AKT3: variants seen among roughly 807,000 people sequenced by gnomAD.
AKT3 encodes the protein RAC-gamma serine/threonine-protein kinase.
AKT3 carries 15 observed loss-of-function variants against 65.3 expected under a neutral mutation model. That is an observed-to-expected ratio of 0.23 (90% CI 0.15 to 0.35). The LOEUF is 0.35. Ranked by LOEUF, AKT3 falls within the 10% of genes least tolerant of loss-of-function variation. The pLI is 1.00. For synonymous variants in AKT3, 206 were observed against 183.8 expected, an observed-to-expected ratio of 1.12 and a Z score of -0.98; for missense variants, 243 against 576.5, an observed-to-expected ratio of 0.42 and a Z score of 5.92.
At chr1:243,746,957 A>G (rs1423669016) in intron 2 of AKT3, among the ~76,000 whole-genome samples, 1 of 152,200 alleles carries the variant, frequency 6.6e-6, no homozygotes. Context: ...GAGTTTAACA[A>G]CAATCATCAA....
At chr1:243,813,820 A>G (rs565633836) in intron 2 of AKT3, among the ~76,000 whole-genome samples, 1 of 152,334 alleles carries the variant, frequency 6.6e-6, no homozygotes, top group East Asian at 1.9e-4. Flanking sequence ...TAAAGAGTAT[A>G]TGGACTGGGC....
rs1325763963 is a variant in AKT3 at position 243,501,087 on chromosome 1, C to A, written c.*4162G>T. 2 of 230,678 alleles carry A rather than the reference C, an allele frequency of 8.7e-6. No homozygotes were observed. Among genetic ancestry groups the A allele is most frequent in the Admixed American group, 5.7e-5 (1 of 17,690 alleles). 14.3% of individuals were successfully genotyped at this position (230,678 alleles called of 1,614,324 possible). A position where few individuals can be genotyped will look rare whatever the true frequency, so the allele number is the denominator to read the frequency against. On this transcript the variant is annotated 3_prime_UTR_variant, in exon 14 of 14. Coordinates refer to ENST00000673466, the MANE Select transcript of AKT3 (RefSeq NM_005465.7). ...CATGTGAGAATGCCCTCAAATTTGG[C>A]CGTGTGACATACACATACATGCTTG...
chr1:243,663,755 G>A (rs1418307057), intron 4 of AKT3, among the ~76,000 whole-genome samples: 3 of 152,154 alleles, frequency 2.0e-5, no homozygotes, highest in Non-Finnish European at 4.4e-5. Context: ...AGGCTAATAA[G>A]ATTTAACTTC....
At chr1:243,812,144 A>C (rs1292479822) in intron 2 of AKT3, among the ~76,000 whole-genome samples, 1 of 152,206 alleles carries the variant, frequency 6.6e-6, no homozygotes, top group Non-Finnish European at 1.5e-5. Context: ...ACCAAAAGCA[A>C]TGGCAACAAA....
At chr1:243,792,916 C>A (rs1691719885) in intron 2 of AKT3, among the ~76,000 whole-genome samples, 1 of 152,158 alleles carries the variant, frequency 6.6e-6, no homozygotes, top group Non-Finnish European at 1.5e-5. Flanking sequence ...GCCTCAACAC[C>A]CCGTATAAAC....
At position 243,652,771 on chromosome 1, in the gene AKT3, CAAAAAAA is replaced by C. The variant is rs371580711; in HGVS notation, c.285-6741_285-6735del. Among the ~76,000 whole-genome samples, 270 of 31,296 alleles carry C rather than the reference CAAAAAAA, an allele frequency of 8.6e-3. 4 individuals carry two copies. The highest frequency in any genetic ancestry group is 0.033 in the African/African-American group (257 of 7,772). The allele number at this position is 31,296 out of a possible 152,430, so 20.5% of individuals were successfully genotyped here. A position where few individuals can be genotyped will look rare whatever the true frequency, so the allele number is the denominator to read the frequency against. On this transcript the variant is annotated intron_variant, in intron 4 of 13. Coordinates refer to ENST00000673466, the MANE Select transcript of AKT3 (RefSeq NM_005465.7). ...GAATATTTACCAAGCAAATAGAAAG[CAAAAAAA>C]AAAAAAAAAAAAAAAGCAGGAGTTG...
intron 3 of AKT3, among the ~76,000 whole-genome samples, chr1:243,693,484 T>G (rs765189355): frequency 6.6e-6 from 1 of 151,562 alleles, no homozygotes; most frequent in Non-Finnish European, 1.5e-5. Context: ...CTGTTTTAAT[T>G]TGCTTAACTC....
At chr1:243,705,715 T>C (rs1448366908) in intron 2 of AKT3, among the ~76,000 whole-genome samples, 1 of 152,150 alleles carries the variant, frequency 6.6e-6, no homozygotes, top group African/African-American at 2.4e-5. Flanking sequence ...GAATAAACGG[T>C]GACTTTAGTT....
In AKT3 at chr1:243,649,622, T is replaced by A. The variant is rs540546856; in HGVS notation, c.285-3585A>T. 1.9e-4 allele frequency among the ~76,000 whole-genome samples: 29 copies of A among 152,216 alleles called. 1 individual carries two copies. Among genetic ancestry groups the A allele is most frequent in the African/African-American group, 6.7e-4 (28 of 41,512 alleles). On this transcript the variant is annotated intron_variant, in intron 4 of 13. Coordinates refer to ENST00000673466, the MANE Select transcript of AKT3 (RefSeq NM_005465.7). ...TGTTCCCCTCCCTGTGTCCATGTGT[T>A]CTCATTGTTCAACTCCCACTTATGA...
chr1:243,629,821 A>C lies in AKT3; in HGVS notation c.561+7790T>G, dbSNP rs115027585. On this transcript the variant is annotated intron_variant, in intron 6 of 13. Coordinates refer to ENST00000673466, the MANE Select transcript of AKT3 (RefSeq NM_005465.7). ...AATAAAAATAAAAAAGATATGGGAG[A>C]TATGCAGCAATGCAGACAGAGATGG... Among the ~76,000 whole-genome samples the C allele has an allele frequency of 4.7e-3, 709 of 152,186 alleles. 6 individuals are homozygous for C. Among genetic ancestry groups the C allele is most frequent in the African/African-American group, 0.016 (685 of 41,522 alleles).
chr1:243,609,746 A>T (rs1253137534), intron 8 of AKT3, among the ~76,000 whole-genome samples: 1 of 152,224 alleles, frequency 6.6e-6, no homozygotes, highest in Non-Finnish European at 1.5e-5. Context: ...AGATATGCTG[A>T]ACAAGAAAAA....
At position 243,549,174 on chromosome 1, in the gene AKT3, A is replaced by C. The variant is rs565981348; in HGVS notation, c.1163+3555T>G. 1.1e-4 allele frequency among the ~76,000 whole-genome samples: 16 copies of C among 152,222 alleles called. No individual in the cohort carries two copies. In the East Asian group the frequency reaches 2.9e-3, roughly 28 times the overall value. On this transcript the variant is annotated intron_variant, in intron 11 of 13. Coordinates refer to ENST00000673466, the MANE Select transcript of AKT3 (RefSeq NM_005465.7). ...TTTAAGCATTCATTCTATTATTTCC[A>C]GCTGCTCACTTGACATTTCCATCTT...
rs1678077326 is a variant in AKT3, at chr1:243,613,817, CAT to C, written c.628-80_628-79del. On this transcript the variant is annotated intron_variant, in intron 7 of 13. Transcript: ENST00000673466. ...TTATAATAGTACTAAAAATAGAACA[CAT>C]AGAAATAGTAAGCATGAAAGATGAA... 10 of 840,180 alleles carry C rather than the reference CAT, an allele frequency of 1.2e-5. No individual in the cohort carries two copies. In the Admixed American group the frequency reaches 2.8e-4, roughly 23 times the overall value. The allele number at this position is 840,180 out of a possible 1,614,324, so 52.0% of individuals were successfully genotyped here.
chr1:243,821,574 A>C (rs1693857642), intron 2 of AKT3, among the ~76,000 whole-genome samples: 1 of 152,204 alleles, frequency 6.6e-6, no homozygotes, highest in African/African-American at 2.4e-5. Context: ...GCTCAAAACA[A>C]AGGAGTGGAG....
At position 243,787,202 on chromosome 1, in the gene AKT3, C is replaced by T. The variant is rs570326154; in HGVS notation, c.46+55923G>A. On this transcript the variant is annotated intron_variant, in intron 2 of 13. Transcript: ENST00000673466. Reference sequence around the variant, plus strand: ...TACATTTTTCAAATCCAATTACACACGTGAAACTTTAACCTAGTAAGACAA... The same window carrying T: ...TACATTTTTCAAATCCAATTACACATGTGAAACTTTAACCTAGTAAGACAA... Among the ~76,000 whole-genome samples, 18 of 152,248 alleles carry T rather than the reference C, an allele frequency of 1.2e-4. 1 individual carries two copies. The South Asian group carries it at 2.5e-3, about 21-fold the overall frequency.
At chr1:243,734,707 C>A (rs1687747515) in intron 2 of AKT3, among the ~76,000 whole-genome samples, 1 of 152,126 alleles carries the variant, frequency 6.6e-6, no homozygotes, top group Non-Finnish European at 1.5e-5. Flanking sequence ...TACACTTAGG[C>A]TACAATAACA....
intron 2 of AKT3, among the ~76,000 whole-genome samples, chr1:243,736,437 T>C (rs141517822): frequency 1.7e-4 from 26 of 152,150 alleles, no homozygotes; most frequent in African/African-American, 6.3e-4. Flanking sequence ...CCACTGTTAA[T>C]GGAATTTACT....
intron 4 of AKT3, 84 bp downstream of exon 4, chr1:243,664,687 AT>A (rs946080102): frequency 1.4e-4 from 66 of 487,270 alleles, no homozygotes; most frequent in Non-Finnish European, 1.9e-4. Flanking sequence ...ATTTATATAT[AT>A]TTACAAATAA....
Position 243,767,954 on chromosome 1 carries a change from T to C in AKT3, c.47-72238A>G, listed in dbSNP as rs941329997. ...AGTAATGAAAACGGTAAAATTTCCATAGGATCAAAGCTTAGAAAATTGCCT... is the reference window on the plus strand; with the variant it reads ...AGTAATGAAAACGGTAAAATTTCCACAGGATCAAAGCTTAGAAAATTGCCT... On this transcript the variant is annotated intron_variant, in intron 2 of 13. Coordinates refer to ENST00000673466, the MANE Select transcript of AKT3 (RefSeq NM_005465.7). Among the ~76,000 whole-genome samples, 11 of 151,954 alleles carry C rather than the reference T, an allele frequency of 7.2e-5. No homozygotes were observed. In the South Asian group the frequency reaches 1.5e-3, roughly 20 times the overall value.
Sources: gnomAD v4.1 joint callset for allele counts (sites outside exome capture counted in the v4.1 genomes callset) on GRCh38, gnomAD v4.1.1 for gene constraint, MANE v1.5 for transcripts, NCBI Gene and HGNC (gene_info 2026-07-23, HGNC 2026-07-21) for gene names.